PCDHA11: variants seen among roughly 807,000 people sequenced by gnomAD.
PCDHA11 encodes the protein protocadherin alpha-11.
PCDHA11 carries 61 observed loss-of-function variants against 70.3 expected under a neutral mutation model. That is an observed-to-expected ratio of 0.87 (90% confidence interval 0.71 to 1.07). PCDHA11 has a LOEUF of 1.07. Ranked by LOEUF, PCDHA11 falls within the 50% of genes least tolerant of loss-of-function variation. The pLI, the probability that PCDHA11 is intolerant of heterozygous loss-of-function variation, is 0.00. For missense variants in PCDHA11, 1,324 were observed against 1,237.5 expected, an observed-to-expected ratio of 1.07 and a Z score of -1.05; for synonymous variants, 633 against 555.1, an observed-to-expected ratio of 1.14 and a Z score of -1.97.
chr5:140,997,668 T>TTGTGTGTGTGTG (rs35184029), intron 3 of PCDHA11, among the ~76,000 whole-genome samples: 18 of 148,344 alleles, frequency 1.2e-4, no homozygotes, highest in Middle Eastern at 3.4e-3. Flanking sequence ...ATTATACAGC[T>TTGTGTGTGTGTG]TGTGTGTGTG....
intron 1 of PCDHA11, among the ~76,000 whole-genome samples, chr5:140,941,550 C>T (rs1489599221): frequency 6.6e-6 from 1 of 151,776 alleles, no homozygotes; most frequent in Non-Finnish European, 1.5e-5. Flanking sequence ...CTCCTGACCT[C>T]GTGATCCATT....
At chr5:140,877,340 A>G (rs782755927) in intron 1 of PCDHA11, 9 of 1,613,820 alleles carry the variant, frequency 5.6e-6, no homozygotes, top group Admixed American at 1.7e-5. Context: ...ATCCCGTTCC[A>G]CGTGGGGCTG....
At chr5:140,944,543 G>C (rs2093667961) in intron 1 of PCDHA11, among the ~76,000 whole-genome samples, 1 of 152,142 alleles carries the variant, frequency 6.6e-6, no homozygotes, top group South Asian at 2.1e-4. Context: ...AGTATTTAAA[G>C]ATCATAGTTT....
chr5:140,906,010 C>T (rs1465949058), intron 1 of PCDHA11, among the ~76,000 whole-genome samples: 1 of 152,210 alleles, frequency 6.6e-6, no homozygotes, highest in Admixed American at 6.5e-5. Flanking sequence ...CTAAGCCAGT[C>T]TAATCTCTCC....
intron 1 of PCDHA11, among the ~76,000 whole-genome samples, chr5:140,917,324 C>CG (rs1299895515): frequency 0.012 from 918 of 74,422 alleles, 22 homozygotes; most frequent in East Asian, 0.019. Flanking sequence ...GTTCATGTGG[C>CG]GGGGGAGGGG....
At chr5:140,924,872 G>C (rs1161649938) in intron 1 of PCDHA11, among the ~76,000 whole-genome samples, 1 of 149,350 alleles carries the variant, frequency 6.7e-6, no homozygotes, top group Non-Finnish European at 1.5e-5. Context: ...TCCAGCCTGG[G>C]TGACAGAGCA....
chr5:140,881,595 TTAATA>T (rs2058765091), intron 1 of PCDHA11, among the ~76,000 whole-genome samples: 1 of 152,250 alleles, frequency 6.6e-6, no homozygotes, highest in Non-Finnish European at 1.5e-5. Flanking sequence ...GGGAAATTTA[TTAATA>T]TGATGTGCTT....
intron 1 of PCDHA11, chr5:140,884,328 T>C: frequency 1.2e-6 from 2 of 1,613,822 alleles, no homozygotes; most frequent in Non-Finnish European, 1.7e-6. Flanking sequence ...GCAGGCGCTG[T>C]GGGTCCAGAA....
rs2153793513 is a variant in PCDHA11, at chr5:140,972,346, C to T, written c.2392-6603C>T. Among the ~76,000 whole-genome samples, 6 of 151,468 alleles carry T rather than the reference C, an allele frequency of 4.0e-5. No homozygotes were observed. In the Middle Eastern group the frequency reaches 0.014, roughly 346 times the overall value. The stretch of plus-strand genomic sequence containing the variant: ...TTTTTTTTGGAAGAGATGGGGGTCT[C>T]ACTATGTTGCACATGCTGTTAGTAT... On this transcript the variant is annotated intron_variant, in intron 1 of 3. Transcript: ENST00000398640.
intron 1 of PCDHA11, among the ~76,000 whole-genome samples, chr5:140,946,468 C>T (rs1249840749): frequency 1.3e-5 from 2 of 151,720 alleles, no homozygotes; most frequent in Non-Finnish European, 2.9e-5. Flanking sequence ...AATCCCACTA[C>T]TGGGTATATA....
intron 1 of PCDHA11, among the ~76,000 whole-genome samples, chr5:140,908,256 A>T (rs192899359): frequency 6.6e-6 from 1 of 152,130 alleles, no homozygotes; most frequent in Non-Finnish European, 1.5e-5. Context: ...AACTGATCAT[A>T]GGGAACTCCC....
chr5:140,870,490 G>T lies in PCDHA11; in HGVS notation c.1387G>T (p.Val463Leu). The stretch of plus-strand genomic sequence containing the variant: ...CGCACAGCCCGAGTACACCGTGTTC[G>T]TGAAGGAGAACAACCCACCAGGCTG... ...AFAQPEYTVF[V>L]KENNPPGCHI... is the part of the protein sequence containing the mutation. Residue 463 changes from valine to leucine, a missense_variant, in exon 1 of 4, where the codon GTG becomes TTG. Physicochemically the swap from Val to Leu is conservative, Grantham distance 32 (BLOSUM62 1). Transcript: ENST00000398640. The T allele has an allele frequency of 1.2e-6, 2 of 1,614,234 alleles. No individual in the cohort carries two copies. The highest frequency in any genetic ancestry group is 8.5e-7 in the Non-Finnish European group (1 of 1,180,052).
At chr5:140,992,261 G>A (rs1056414788) in intron 3 of PCDHA11, among the ~76,000 whole-genome samples, 1 of 152,172 alleles carries the variant, frequency 6.6e-6, no homozygotes, top group Non-Finnish European at 1.5e-5. Context: ...AAAGATGAAA[G>A]TTCTTTTCGT....
chr5:140,928,635 A>G lies in PCDHA11; in HGVS notation c.2392-50314A>G, dbSNP rs148091714. On this transcript the variant is annotated intron_variant, in intron 1 of 3. Transcript: ENST00000398640. ...CTGCCAGGACTGGACACTTGGTCAC[A>G]AAAGTGGTAGCAGAGGATGCTGACA... is the stretch of plus-strand genomic sequence containing the variant. 6 of 1,614,104 alleles carry G rather than the reference A, an allele frequency of 3.7e-6. No individual in the cohort carries two copies. The Middle Eastern group carries it at 4.9e-4, about 133-fold the overall frequency.
Position 140,917,329 on chromosome 5 carries a change from G to GT in PCDHA11, c.2391+45835_2391+45836insT, listed in dbSNP as rs1563018868. On this transcript the variant is annotated intron_variant, in intron 1 of 3. Coordinates refer to ENST00000398640, the MANE Select transcript of PCDHA11 (RefSeq NM_018902.5). ...ACAATTTGGTGTTCATGTGGCGGGG[G>GT]AGGGGGGGGATGGTGTAGGCTTCTG... is the stretch of plus-strand genomic sequence containing the variant. 5.6e-5 allele frequency among the ~76,000 whole-genome samples: 8 copies of GT among 143,930 alleles called. 1 individual carries two copies. The highest frequency in any genetic ancestry group is 9.1e-5 in the Non-Finnish European group (6 of 65,842). The allele number at this position is 143,930 out of a possible 152,430, so 94.4% of individuals were successfully genotyped here.
chr5:140,874,465 T>C (rs1554167224), intron 1 of PCDHA11, among the ~76,000 whole-genome samples: 1 of 152,184 alleles, frequency 6.6e-6, no homozygotes. Flanking sequence ...TAGGGGAAGA[T>C]TTAGAGAAAA....
Position 140,871,490 on chromosome 5 carries a change from G to A in PCDHA11, c.2387G>A (p.Gly796Glu), listed in dbSNP as rs1554165680. ...CAGGAGCCAGGGTCAAATCACCCCG[G>A]ACAGGTGAGTTTTCTACAGATTCCA... is the stretch of plus-strand genomic sequence containing the variant. ...ERQEPGSNHP[G>E]QPRQPNPDWR... The change falls in exon 1 of 4, where the codon GGA (glycine) becomes GAA (glutamate). Residue 796 changes from glycine to glutamate, a missense_variant. Coordinates refer to ENST00000398640, the MANE Select transcript of PCDHA11 (RefSeq NM_018902.5). 1 of 1,590,548 alleles carries A rather than the reference G, an allele frequency of 6.3e-7. No homozygotes were observed. Among genetic ancestry groups the A allele is most frequent in the Admixed American group, 1.8e-5 (1 of 56,072 alleles).
chr5:140,906,965 G>T (rs1273243518), intron 1 of PCDHA11, among the ~76,000 whole-genome samples: 1 of 152,124 alleles, frequency 6.6e-6, no homozygotes, highest in Non-Finnish European at 1.5e-5. Flanking sequence ...ATGGAATCGT[G>T]GTTGTGTCTT....
chr5:140,941,347 T>C (rs246069), intron 1 of PCDHA11, among the ~76,000 whole-genome samples: 97,460 of 130,222 alleles, frequency 0.75, 37,726 homozygotes, highest in African/African-American at 0.94. Context: ...GATGGAGTCT[T>C]GCTCTGTTGC....
Sources: gnomAD v4.1 joint callset for allele counts (sites outside exome capture counted in the v4.1 genomes callset) on GRCh38, gnomAD v4.1.1 for gene constraint, MANE v1.5 for transcripts, NCBI Gene and HGNC (gene_info 2026-07-23, HGNC 2026-07-21) for gene names.